Variants in PLA2G7 observed in about 807,000 individuals in gnomAD.
The protein encoded by PLA2G7 is platelet-activating factor acetylhydrolase.
A neutral mutation model predicts 49.6 loss-of-function variants in PLA2G7; 63 were observed. The observed-to-expected ratio is 1.27, with a 90% confidence interval of 1.04 to 1.57. The LOEUF (loss-of-function observed/expected upper bound fraction) is 1.57, where lower values mean the gene tolerates loss of function less well. Ranked by LOEUF, PLA2G7 falls within the 40% of genes most tolerant of loss-of-function variation. PLA2G7 has a pLI of 0.00. For missense variants in PLA2G7, 596 were observed against 521.2 expected (o/e 1.14, Z -1.40); for synonymous variants, 193 against 169.9 (o/e 1.14, Z -1.06).
intron 1 of PLA2G7, among the ~76,000 whole-genome samples, chr6:46,730,058 C>CACCAG (rs1285750282): frequency 6.6e-6 from 1 of 152,208 alleles, no homozygotes; most frequent in Admixed American, 6.5e-5. Context: ...CTGCATTCTG[C>CACCAG]ACCAGTTAGA....
At chr6:46,706,218 C>T (rs1274069073) in intron 10 of PLA2G7, among the ~76,000 whole-genome samples, 1 of 152,210 alleles carries the variant, frequency 6.6e-6, no homozygotes, top group Non-Finnish European at 1.5e-5. Context: ...AGCTGCTCTG[C>T]CTCTTGACTC....
At chr6:46,709,155 A>G (rs1406054500) in intron 9 of PLA2G7, among the ~76,000 whole-genome samples, 172 bp downstream of exon 9, 1 of 152,184 alleles carries the variant, frequency 6.6e-6, no homozygotes, top group Non-Finnish European at 1.5e-5. Context: ...GGAGAGGTAG[A>G]TGTTTTAGCC....
At position 46,734,516 on chromosome 6, in the gene PLA2G7, G is replaced by C. The variant is rs137896840; in HGVS notation, c.-35+664C>G. ...ACGGAGAGAGAGATTGTCCCTGTAG[G>C]AGATCTACAGATAAGAAAACTCCGG... On this transcript the variant is annotated intron_variant, in intron 1 of 11. Transcript: ENST00000274793. Among the ~76,000 whole-genome samples, 1,325 of 143,574 alleles carry C rather than the reference G, an allele frequency of 9.2e-3. 16 individuals carry two copies. Among genetic ancestry groups the C allele is most frequent in the Non-Finnish European group, 0.014 (939 of 65,950 alleles). 94.2% of individuals were successfully genotyped at this position (143,574 alleles called of 152,430 possible).
At chr6:46,712,545 G>T (rs954712478) in intron 5 of PLA2G7, among the ~76,000 whole-genome samples, 1 of 152,150 alleles carries the variant, frequency 6.6e-6, no homozygotes, top group African/African-American at 2.4e-5. Context: ...TCATGAATGT[G>T]GGCGAGGGTA....
At chr6:46,711,415 G>T in intron 7 of PLA2G7, 81 bp downstream of exon 7, 1 of 1,466,984 alleles carries the variant, frequency 6.8e-7, no homozygotes, top group Non-Finnish European at 9.5e-7. Context: ...AACTTGCCAG[G>T]TGTAAAATTA....
chr6:46,709,215 A>G, intron 9 of PLA2G7, 112 bp downstream of exon 9: 2 of 709,024 alleles, frequency 2.8e-6, no homozygotes, highest in Non-Finnish European at 5.0e-6. Context: ...ATAGCCTTAT[A>G]AACTCCAAGA....
intron 1 of PLA2G7, among the ~76,000 whole-genome samples, chr6:46,734,473 A>AC (rs1765847566): frequency 8.6e-6 from 1 of 115,728 alleles, no homozygotes; most frequent in Non-Finnish European, 1.7e-5. Flanking sequence ...AGAGAGAGAG[A>AC]GAGAGAGAGA....
At chr6:46,728,304 A>C (rs1342294773) in intron 1 of PLA2G7, among the ~76,000 whole-genome samples, 1 of 152,180 alleles carries the variant, frequency 6.6e-6, no homozygotes, top group Non-Finnish European at 1.5e-5. Context: ...TGGTTGCCAC[A>C]ACCAGGAGGG....
chr6:46,710,724 G>T (rs148842084), intron 7 of PLA2G7, 66 bp from the exon 8 acceptor site: 1 of 1,250,720 alleles, frequency 8.0e-7, no homozygotes, highest in Non-Finnish European at 1.2e-6. Context: ...TTAAAGTTTA[G>T]GTAGAAGCTG....
intron 2 of PLA2G7, among the ~76,000 whole-genome samples, chr6:46,717,771 G>A (rs1427284829): frequency 6.8e-6 from 1 of 146,316 alleles, no homozygotes; most frequent in East Asian, 2.0e-4. Context: ...GAGTGCAGTG[G>A]TGCAATCTTG....
intron 1 of PLA2G7, among the ~76,000 whole-genome samples, chr6:46,734,756 G>A (rs544536268): frequency 1.9e-3 from 292 of 152,014 alleles, no homozygotes; most frequent in African/African-American, 6.6e-3. Context: ...CCGGGAGACA[G>A]AGGTTGCAGT....
chr6:46,715,221 C>T (rs1765165519), intron 4 of PLA2G7, among the ~76,000 whole-genome samples: 1 of 152,136 alleles, frequency 6.6e-6, no homozygotes, highest in African/African-American at 2.4e-5. Context: ...ACCTTGGATA[C>T]ATTACACTAA....
intron 10 of PLA2G7, among the ~76,000 whole-genome samples, chr6:46,706,446 T>C (rs1764830992): frequency 6.6e-6 from 1 of 152,132 alleles, no homozygotes; most frequent in Non-Finnish European, 1.5e-5. Context: ...AGGAGTGGTA[T>C]AAATGACAGG....
chr6:46,711,305 G>A (rs1319416394), intron 7 of PLA2G7, among the ~76,000 whole-genome samples, 191 bp downstream of exon 7: 1 of 152,084 alleles, frequency 6.6e-6, no homozygotes, highest in Non-Finnish European at 1.5e-5. Context: ...ATTTGCCTTT[G>A]TTTTTACTAT....
intron 5 of PLA2G7, among the ~76,000 whole-genome samples, chr6:46,713,349 G>A (rs1001267548): frequency 9.2e-5 from 14 of 152,306 alleles, no homozygotes; most frequent in African/African-American, 3.1e-4. Context: ...GAAGGCCAGA[G>A]AGTAAATATT....
chr6:46,711,680 T>C (rs1765029328), intron 6 of PLA2G7, 61 bp from the exon 7 acceptor site: 1 of 1,568,550 alleles, frequency 6.4e-7, no homozygotes, highest in East Asian at 2.2e-5. Flanking sequence ...CTGACCCATG[T>C]TTCTCAGTTC....
At chr6:46,733,076 G>C (rs1765784994) in intron 1 of PLA2G7, among the ~76,000 whole-genome samples, 1 of 152,146 alleles carries the variant, frequency 6.6e-6, no homozygotes, top group African/African-American at 2.4e-5. Context: ...GGAAAAGGAA[G>C]ATAAAGGGGA....
chr6:46,722,263 C>G (rs1249894862), intron 2 of PLA2G7, among the ~76,000 whole-genome samples: 1 of 152,182 alleles, frequency 6.6e-6, no homozygotes, highest in Non-Finnish European at 1.5e-5. Flanking sequence ...CCCTACTTCT[C>G]TCTATTATCA....
chr6:46,705,284 T>C lies in PLA2G7; in HGVS notation c.1058A>G (p.Asn353Ser), dbSNP rs201171111. The change falls in exon 11 of 12, where the codon AAT becomes AGT. Residue 353 changes from asparagine to serine, a missense_variant. Transcript: ENST00000274793. ...AGTTGCAAAAGTGAAGTCAGCAAAA[T>C]TCTGGTGGACTGAACCCCTAAAAGA... Reference protein sequence around the residue: ...MITIRGSVHQNFADFTFATGK... With the variant: ...MITIRGSVHQSFADFTFATGK... The C allele has an allele frequency of 1.9e-6, 3 of 1,612,548 alleles. No homozygotes were observed. The highest frequency in any genetic ancestry group is 2.5e-6 in the Non-Finnish European group (3 of 1,178,838).
Sources: allele counts gnomAD v4.1 joint callset (sites outside exome capture counted in the v4.1 genomes callset), GRCh38; gene constraint gnomAD v4.1.1; transcripts MANE v1.5; gene names NCBI Gene and HGNC (gene_info 2026-07-23, HGNC 2026-07-21).